CCDC73: variants seen among roughly 807,000 people sequenced by gnomAD.
The protein encoded by CCDC73 is coiled-coil domain-containing protein 73.
Under a neutral mutation model 116.5 loss-of-function variants are expected in CCDC73, and 95 were observed. That is an observed-to-expected ratio of 0.82 (90% CI 0.69 to 0.97). The LOEUF (loss-of-function observed/expected upper bound fraction) is 0.97, where lower values mean the gene tolerates loss of function less well. Ranked by LOEUF, CCDC73 falls within the 50% of genes least tolerant of loss-of-function variation. The probability of loss-of-function intolerance (pLI) is 0.00; values close to 1 mark genes in which losing one functional copy is unlikely to be tolerated. For synonymous variants in CCDC73, 398 were observed against 401.3 expected (o/e 0.99, Z 0.10); for missense variants, 1,066 against 1,206.8 (o/e 0.88, Z 1.73).
intron 17 of CCDC73, among the ~76,000 whole-genome samples, chr11:32,608,891 A>C (rs921172566): frequency 2.6e-5 from 4 of 152,216 alleles, no homozygotes; most frequent in African/African-American, 7.2e-5. Context: ...CCTCTGAAGC[A>C]ATGGCCCAAG....
chr11:32,707,398 T>TA (rs1201757137), intron 3 of CCDC73, among the ~76,000 whole-genome samples: 9 of 151,636 alleles, frequency 5.9e-5, no homozygotes, highest in Non-Finnish European at 1.3e-4. Context: ...TTTTTTTTTT[T>TA]AACCACTATA....
In CCDC73 at chr11:32,733,368, A is replaced by G. The variant is rs144984705; in HGVS notation, c.136-15221T>C. Among the ~76,000 whole-genome samples, 1,086 of 152,298 alleles carry G rather than the reference A, an allele frequency of 7.1e-3. 17 individuals are homozygous for G. The highest frequency in any genetic ancestry group is 0.025 in the African/African-American group (1,047 of 41,540). The stretch of plus-strand genomic sequence containing the variant: ...AACATTAGACAGATCAACAAAACAG[A>G]AAGTTAAAAAGGGTATCCAGGAATT... On this transcript the variant is annotated intron_variant, in intron 2 of 17. Coordinates refer to ENST00000335185, the MANE Select transcript of CCDC73 (RefSeq NM_001008391.4).
chr11:32,619,100 T>C (rs1376930570), intron 14 of CCDC73, among the ~76,000 whole-genome samples: 1 of 152,144 alleles, frequency 6.6e-6, no homozygotes, highest in East Asian at 1.9e-4. Context: ...AGATACATTG[T>C]TTGCATGGGT....
chr11:32,616,831 G>A (rs1033296823), intron 14 of CCDC73, among the ~76,000 whole-genome samples: 45 of 152,250 alleles, frequency 3.0e-4, no homozygotes, highest in African/African-American at 3.9e-4. Flanking sequence ...ATAAGTAACA[G>A]GCAACTTTAA....
chr11:32,686,134 A>C (rs954020428), intron 6 of CCDC73, among the ~76,000 whole-genome samples: 2 of 140,708 alleles, frequency 1.4e-5, no homozygotes, highest in African/African-American at 5.1e-5. Flanking sequence ...AAAGAGGATG[A>C]TGAAGGAGGA....
At chr11:32,615,762 C>T (rs1211808858) in intron 15 of CCDC73, 178 bp downstream of exon 15, 8 of 530,256 alleles carry the variant, frequency 1.5e-5, no homozygotes, top group South Asian at 2.5e-5. Flanking sequence ...GTCTGGTCAT[C>T]AGAAGGTTAC....
intron 12 of CCDC73, among the ~76,000 whole-genome samples, chr11:32,652,275 G>T (rs1855832178): frequency 6.6e-6 from 1 of 150,836 alleles, no homozygotes; most frequent in Non-Finnish European, 1.5e-5. Flanking sequence ...CTGCACTCCA[G>T]CCTGGGTGAC....
intron 1 of CCDC73, among the ~76,000 whole-genome samples, chr11:32,792,207 T>C (rs1167729458): frequency 6.6e-6 from 1 of 152,010 alleles, no homozygotes; most frequent in Non-Finnish European, 1.5e-5. Context: ...GCAGTAAAAC[T>C]GTAGACTGTG....
At chr11:32,662,765 G>A (rs1180998388) in intron 9 of CCDC73, among the ~76,000 whole-genome samples, 14 of 152,156 alleles carry the variant, frequency 9.2e-5, no homozygotes, top group Non-Finnish European at 1.9e-4. Context: ...CCTTGCCCAT[G>A]CCTATGTCCT....
At chr11:32,751,206 T>C (rs1850284669) in intron 2 of CCDC73, among the ~76,000 whole-genome samples, 1 of 152,184 alleles carries the variant, frequency 6.6e-6, no homozygotes, top group Non-Finnish European at 1.5e-5. Context: ...AAAATCCTCT[T>C]ACCTCTTCCC....
chr11:32,800,951 A>G, the CCDC73 span, among the ~76,000 whole-genome samples: 9 of 152,198 alleles, frequency 5.9e-5, no homozygotes, highest in African/African-American at 2.2e-4. Flanking sequence ...TGTCTCAGAT[A>G]ATAGGAAGTC....
At chr11:32,665,467 A>C (rs1436553372) in intron 9 of CCDC73, among the ~76,000 whole-genome samples, 4 of 151,992 alleles carry the variant, frequency 2.6e-5, no homozygotes, top group African/African-American at 7.3e-5. Context: ...CTTATCAGAG[A>C]CTCGGATTGC....
Position 32,760,233 on chromosome 11 carries a change from T to C in CCDC73, c.11A>G (p.Asn4Ser). MESNFNTESSSTFT... is the reference protein window; with the variant it reads MESSFNTESSSTFT... ...AGTAGATGATGACTCAGTATTGAAG[T>C]TGCTTTCCATATTAATATTTATTTC... Residue 4 changes from asparagine (N) to serine (S), a missense_variant, in exon 2 of 18, where the codon AAC becomes AGC. Physicochemically the swap from Asn to Ser is conservative, Grantham distance 46. Coordinates refer to ENST00000335185, the MANE Select transcript of CCDC73 (RefSeq NM_001008391.4). 6.4e-7 allele frequency: 1 copy of C among 1,555,862 alleles called. No homozygotes were observed. The highest frequency in any genetic ancestry group is 8.7e-7 in the Non-Finnish European group (1 of 1,146,644).
intron 1 of CCDC73, among the ~76,000 whole-genome samples, chr11:32,783,623 A>C (rs198264): frequency 0.86 from 130,736 of 152,024 alleles, 56,700 homozygotes; most frequent in East Asian, 1. Context: ...TCTCTGAGGC[A>C]TTTTTATTTT....
chr11:32,748,981 T>C (rs764747039), intron 2 of CCDC73, among the ~76,000 whole-genome samples: 1 of 152,216 alleles, frequency 6.6e-6, no homozygotes, highest in Non-Finnish European at 1.5e-5. Context: ...TCTTTATCCT[T>C]GACCTTTGGG....
At chr11:32,629,936 A>AAAC (rs1554961852) in intron 14 of CCDC73, among the ~76,000 whole-genome samples, 1 of 144,974 alleles carries the variant, frequency 6.9e-6, no homozygotes, top group African/African-American at 2.6e-5. Context: ...AAAAAAAAAC[A>AAAC]AAAAAAAAAC....
At chr11:32,736,968 A>G (rs1279200767) in intron 2 of CCDC73, among the ~76,000 whole-genome samples, 1 of 149,716 alleles carries the variant, frequency 6.7e-6, no homozygotes, top group Admixed American at 6.7e-5. Flanking sequence ...ACATATACAT[A>G]TATATACATA....
intron 9 of CCDC73, among the ~76,000 whole-genome samples, chr11:32,669,386 T>C (rs899985771): frequency 6.6e-6 from 1 of 152,306 alleles, no homozygotes; most frequent in East Asian, 1.9e-4. Context: ...TGTTCTGATA[T>C]ACGTATGCAG....
At chr11:32,747,696 C>G (rs759030200) in intron 2 of CCDC73, among the ~76,000 whole-genome samples, 8 of 152,162 alleles carry the variant, frequency 5.3e-5, no homozygotes, top group Non-Finnish European at 1.0e-4. Context: ...CATCCCAGGT[C>G]AATCTCAGAC....
Sources: gnomAD v4.1 joint callset for allele counts (sites outside exome capture counted in the v4.1 genomes callset) on GRCh38, gnomAD v4.1.1 for gene constraint, MANE v1.5 for transcripts, NCBI Gene and HGNC (gene_info 2026-07-23, HGNC 2026-07-21) for gene names.